CFAP46: variants seen among roughly 807,000 people sequenced by gnomAD.
CFAP46 encodes the protein cilia- and flagella-associated protein 46.
In CFAP46, 245 loss-of-function variants were observed where a neutral mutation model predicts 325.7. That is an observed-to-expected ratio of 0.75 (90% CI 0.68 to 0.84). CFAP46 has a LOEUF of 0.84. CFAP46 is among the 40% of genes least tolerant of loss of function. CFAP46 has a pLI of 0.00. For missense variants in CFAP46, 3,346 were observed against 3,543.0 expected, an observed-to-expected ratio of 0.94 and a Z score of 1.41; for synonymous variants, 1,523 against 1,495.9, an observed-to-expected ratio of 1.02 and a Z score of -0.42.
rs550554668 is a variant in CFAP46, at chr10:132,936,365, C to T, written c.755+596G>A. ...CACACTGTGATCTCCTCACTCCCCT[C>T]GGCACCCAAACACACTGTGATCTCC... On this transcript the variant is annotated intron_variant, in intron 7 of 57. Transcript: ENST00000368586. Among the ~76,000 whole-genome samples, 25 of 72,156 alleles carry T rather than the reference C, an allele frequency of 3.5e-4. 1 individual carries two copies. Among genetic ancestry groups the T allele is most frequent in the African/African-American group, 1.4e-3 (21 of 15,474 alleles). 47.3% of individuals were successfully genotyped at this position (72,156 alleles called of 152,430 possible).
intron 50 of CFAP46, among the ~76,000 whole-genome samples, chr10:132,821,800 T>C (rs1285979686): frequency 8.2e-5 from 11 of 133,856 alleles, no homozygotes; most frequent in Admixed American, 2.9e-4. Context: ...GTGCTGTGTG[T>C]TGTGTGAGTG....
Position 132,924,696 on chromosome 10 carries a change from C to G in CFAP46, c.1256G>C (p.Ser419Thr). ...GACACAGCACAGGTGAGCGCCCCAC[C>G]TGTCCAGCTTCTCCAGCACGTCCGC... ...GVADVLEKLD[S>T]LMTLLRCQVH... The change falls in exon 11 of 58, where the codon AGC (serine) becomes ACC (threonine). Residue 419 changes from serine to threonine, a missense_variant and splice_region_variant. Ser to Thr is a moderately conservative substitution (Grantham distance 58). Transcript: ENST00000368586. 6.6e-7 allele frequency: 1 copy of G among 1,521,882 alleles called. No homozygotes were observed. The highest frequency in any genetic ancestry group is 8.8e-7 in the Non-Finnish European group (1 of 1,135,264). 94.3% of individuals were successfully genotyped at this position (1,521,882 alleles called of 1,614,324 possible). A position where few individuals can be genotyped will look rare whatever the true frequency, so the allele number is the denominator to read the frequency against.
intron 37 of CFAP46, 68 bp from the exon 38 acceptor site, chr10:132,859,315 C>G (rs1001844758): frequency 7.2e-7 from 1 of 1,387,338 alleles, no homozygotes; most frequent in African/African-American, 1.5e-5. Flanking sequence ...TGCGGCTGGG[C>G]TGCCGCTGTT....
Position 132,808,940 on chromosome 10 carries a change from G to A in CFAP46, c.7665-36C>T, listed in dbSNP as rs529735067. On this transcript the variant is annotated intron_variant, in intron 57 of 57. Coordinates refer to ENST00000368586, the MANE Select transcript of CFAP46 (RefSeq NM_001200049.3). The surrounding 1 kb of genome is among the most constrained non-coding windows in gnomAD (Gnocchi z 6.8). ...AGGGGCGGGAGCTATGAACCCCGAG[G>A]CCCCGCAGGACGTCCAGCCCGGTGA... The A allele has an allele frequency of 2.9e-5, 44 of 1,532,108 alleles. No individual in the cohort carries two copies. The South Asian group carries it at 5.3e-4, about 19-fold the overall frequency. 94.9% of individuals were successfully genotyped at this position (1,532,108 alleles called of 1,614,324 possible). A position where few individuals can be genotyped will look rare whatever the true frequency, so the allele number is the denominator to read the frequency against.
At chr10:132,916,827 C>T in intron 16 of CFAP46, 145 bp from the exon 17 acceptor site, 1 of 1,199,530 alleles carries the variant, frequency 8.3e-7, no homozygotes, top group Non-Finnish European at 1.1e-6. Flanking sequence ...CCTTTGCAAG[C>T]TGGGCCTGCC....
chr10:132,881,512 C>T (rs1808871725), intron 27 of CFAP46, among the ~76,000 whole-genome samples: 1 of 152,212 alleles, frequency 6.6e-6, no homozygotes, highest in Admixed American at 6.5e-5. Context: ...AAGGCCTGGC[C>T]TGTGCAAACT....
At chr10:132,907,687 C>G (rs940915872) in intron 22 of CFAP46, among the ~76,000 whole-genome samples, 7 of 152,216 alleles carry the variant, frequency 4.6e-5, no homozygotes, top group Non-Finnish European at 8.8e-5. Context: ...CGTGTCCCCT[C>G]AAAATTCCCA....
intron 39 of CFAP46, among the ~76,000 whole-genome samples, chr10:132,854,400 G>A (rs1467281084): frequency 6.6e-6 from 1 of 152,150 alleles, no homozygotes; most frequent in African/African-American, 2.4e-5. Flanking sequence ...GCAGTGGCGT[G>A]ATCGCCACTC....
intron 39 of CFAP46, among the ~76,000 whole-genome samples, chr10:132,857,242 C>G (rs1848654511): frequency 6.6e-6 from 1 of 152,204 alleles, no homozygotes; most frequent in African/African-American, 2.4e-5. Context: ...CCTCTCCTGC[C>G]CTCCCCTCCC....
At chr10:132,836,737 G>T in intron 45 of CFAP46, 80 bp downstream of exon 45, 1 of 1,200,572 alleles carries the variant, frequency 8.3e-7, no homozygotes. Context: ...TGAGGTGTGG[G>T]CAGCCCACGG....
Position 132,827,789 on chromosome 10 carries a change from C to T in CFAP46, c.7117+5569G>A, listed in dbSNP as rs1243469394. ...CAACTTCTCCTGCAGCCCCAGCCCCCACCCCCAGGAAGCAACTTACCTGCC... is the reference window on the plus strand; with the variant it reads ...CAACTTCTCCTGCAGCCCCAGCCCCTACCCCCAGGAAGCAACTTACCTGCC... On this transcript the variant is annotated intron_variant, in intron 50 of 57. Transcript: ENST00000368586. The surrounding 1 kb of genome is among the most constrained non-coding windows in gnomAD (Gnocchi z 5.7). 6.6e-6 allele frequency among the ~76,000 whole-genome samples: 1 copy of T among 152,054 alleles called. No homozygotes were observed. Among genetic ancestry groups the T allele is most frequent in the Non-Finnish European group, 1.5e-5 (1 of 67,998 alleles).
chr10:132,812,736 G>C (rs1245433798), intron 55 of CFAP46, 49 bp downstream of exon 55: 1 of 1,430,156 alleles, frequency 7.0e-7, no homozygotes, highest in Non-Finnish European at 9.8e-7. Flanking sequence ...CCTCAGGCGG[G>C]TTTGTCCTGT....
intron 35 of CFAP46, among the ~76,000 whole-genome samples, chr10:132,862,230 G>C (rs891112155): frequency 6.6e-6 from 1 of 152,174 alleles, no homozygotes; most frequent in Non-Finnish European, 1.5e-5. Flanking sequence ...AAGAGGGGGA[G>C]GCCCTTCGTG....
intron 13 of CFAP46, among the ~76,000 whole-genome samples, 194 bp downstream of exon 13, chr10:132,921,910 C>A (rs781750147): frequency 6.6e-6 from 1 of 152,244 alleles, no homozygotes; most frequent in African/African-American, 2.4e-5. Flanking sequence ...ACTTGACTGG[C>A]GTGTGCACAG....
rs1293717530 is a variant in CFAP46, at chr10:132,922,167, C to T, written c.1543G>A (p.Ala515Thr). The T allele has an allele frequency of 3.9e-6, 6 of 1,550,348 alleles. No individual in the cohort carries two copies. The highest frequency in any genetic ancestry group is 4.4e-6 in the Non-Finnish European group (5 of 1,146,966). Reference sequence around the variant, plus strand: ...GCGTCAGGGGCTAAGGCCAGGCCTGCATTCACCAGGAGGGCCCGCTTCTTC... The same window carrying T: ...GCGTCAGGGGCTAAGGCCAGGCCTGTATTCACCAGGAGGGCCCGCTTCTTC... ...VRKKRALLVNAGLALAPDAFQ... is the reference protein window; with the variant it reads ...VRKKRALLVNTGLALAPDAFQ... Residue 515 changes from alanine (A) to threonine (T), a missense_variant, in exon 13 of 58, where the codon GCA becomes ACA. Ala to Thr is a moderately conservative substitution (Grantham distance 58). Coordinates refer to ENST00000368586, the MANE Select transcript of CFAP46 (RefSeq NM_001200049.3).
intron 39 of CFAP46, among the ~76,000 whole-genome samples, chr10:132,852,365 C>T (rs79114797): frequency 3.7e-3 from 171 of 46,044 alleles, no homozygotes; most frequent in Middle Eastern, 0.01. Flanking sequence ...GTGGTATGTT[C>T]CTCCATTTAC....
At chr10:132,938,546 G>C (rs201397278) in intron 5 of CFAP46, 43 bp downstream of exon 5, 1 of 1,591,134 alleles carries the variant, frequency 6.3e-7, no homozygotes, top group African/African-American at 1.3e-5. Context: ...GCCAGAGGGC[G>C]GCCCACCGGG....
chr10:132,813,741 T>G (rs1370692179), intron 54 of CFAP46, among the ~76,000 whole-genome samples: 20 of 152,142 alleles, frequency 1.3e-4, no homozygotes, highest in Non-Finnish European at 2.9e-5. Context: ...GCCTGTGACG[T>G]GGAACGATCC....
rs1849504728 is a variant in CFAP46 at position 132,909,252 on chromosome 10, G to A, written c.2650-8C>T. 6.5e-7 allele frequency: 1 copy of A among 1,547,010 alleles called. No homozygotes were observed. The highest frequency in any genetic ancestry group is 8.7e-7 in the Non-Finnish European group (1 of 1,143,930). On this transcript the variant is annotated splice_polypyrimidine_tract_variant and splice_region_variant and intron_variant, in intron 20 of 57. Coordinates refer to ENST00000368586, the MANE Select transcript of CFAP46 (RefSeq NM_001200049.3). ...GACATCCTCATTGGTGCCCTGGTGG[G>A]GAGGATGCCCTGAGTGTATCAGCCC... is the stretch of plus-strand genomic sequence containing the variant.
Sources: allele counts gnomAD v4.1 joint callset (sites outside exome capture counted in the v4.1 genomes callset), GRCh38; gene constraint gnomAD v4.1.1; non-coding constraint Gnocchi (gnomAD v3.1); transcripts MANE v1.5; gene names NCBI Gene and HGNC (gene_info 2026-07-23, HGNC 2026-07-21).